Variants in FARP2 observed in about 807,000 individuals in gnomAD.
FARP2 encodes the protein FERM, ARHGEF and pleckstrin domain-containing protein 2.
Under a neutral mutation model 130.5 loss-of-function variants are expected in FARP2, and 111 were observed. That is an observed-to-expected ratio of 0.85 (90% CI 0.73 to 1.00). The LOEUF (loss-of-function observed/expected upper bound fraction) is 1.00. FARP2 is among the 50% of genes least tolerant of loss of function. The pLI is 0.00. For synonymous variants in FARP2, 504 were observed against 516.9 expected (o/e 0.98, Z 0.34); for missense variants, 1,385 against 1,346.3 (o/e 1.03, Z -0.45).
rs1473125848 is a variant in FARP2, at chr2:241,418,119, T to A, written c.771+10T>A. 1 of 1,613,858 alleles carries A rather than the reference T, an allele frequency of 6.2e-7. No individual in the cohort carries two copies. The highest frequency in any genetic ancestry group is 1.3e-5 in the African/African-American group (1 of 74,818). ...TGTACTCGTGTTCCAGGTAGGCCAG[T>A]GGGGAAGGGAGGGGTGAGAACAGGG... On this transcript the variant is annotated intron_variant, in intron 8 of 26. Coordinates refer to ENST00000264042, the MANE Select transcript of FARP2 (RefSeq NM_014808.4).
chr2:241,409,038 T>TAGATGATA (rs1553715970), intron 5 of FARP2, among the ~76,000 whole-genome samples: 44 of 146,048 alleles, frequency 3.0e-4, no homozygotes, highest in East Asian at 4.1e-4. Flanking sequence ...GATAGATAGA[T>TAGATGATA]GATAGATAGA....
chr2:241,456,704 C>T (rs768270850), intron 13 of FARP2, 43 bp from the exon 14 acceptor site: 59 of 1,607,138 alleles, frequency 3.7e-5, no homozygotes, highest in Non-Finnish European at 4.7e-5. Flanking sequence ...CCTCACAGCC[C>T]TTTCTCATTT....
At chr2:241,458,376 G>T (rs1221931125) in intron 14 of FARP2, among the ~76,000 whole-genome samples, 1 of 152,162 alleles carries the variant, frequency 6.6e-6, no homozygotes, top group African/African-American at 2.4e-5. Flanking sequence ...AGGATATTCT[G>T]TCCAAGGCCT....
chr2:241,427,611 A>G (rs1469040061), intron 8 of FARP2, among the ~76,000 whole-genome samples: 3 of 152,160 alleles, frequency 2.0e-5, no homozygotes, highest in Admixed American at 6.6e-5. Context: ...CCTGGAACCA[A>G]TCCCCTACAG....
rs761893677 is a variant in FARP2 at position 241,475,963 on chromosome 2, A to G, written c.2238A>G (p.Ile746Met). The G allele has an allele frequency of 6.8e-6, 11 of 1,613,756 alleles. No individual in the cohort carries two copies. The highest frequency in any genetic ancestry group is 9.3e-6 in the Non-Finnish European group (11 of 1,179,794). Residue 746 changes from isoleucine to methionine, a missense_variant, in exon 19 of 27, where the codon ATA (isoleucine) becomes ATG (methionine). Transcript: ENST00000264042. This position sits in a 1 kb window ranked among gnomAD's most constrained non-coding sequence, Gnocchi z 4.4. ...AGCTGCAGCGGGACCTGGTGGGCAT[A>G]GAGAACCTCATTGCTCCTGGCAGGG... ...LTELQRDLVG[I>M]ENLIAPGREF... is the part of the protein sequence containing the mutation.
intron 1 of FARP2, among the ~76,000 whole-genome samples, chr2:241,361,108 G>A (rs569102807): frequency 8.6e-5 from 13 of 151,340 alleles, no homozygotes; most frequent in East Asian, 1.9e-4. Flanking sequence ...TGATCTATTC[G>A]CTTATATTTT....
At chr2:241,368,015 G>A (rs140346883) in intron 1 of FARP2, among the ~76,000 whole-genome samples, 29 of 151,968 alleles carry the variant, frequency 1.9e-4, no homozygotes, top group Non-Finnish European at 3.4e-4. Flanking sequence ...TGTCACTAGA[G>A]TGGTCCATTT....
At chr2:241,493,191 C>A in intron 25 of FARP2, 102 bp from the exon 26 acceptor site, 1 of 1,379,394 alleles carries the variant, frequency 7.2e-7, no homozygotes, top group Non-Finnish European at 1.0e-6. Context: ...TCCCTTGGCC[C>A]GTGGGCATTT....
chr2:241,476,364 C>T (rs2064463581), intron 19 of FARP2, among the ~76,000 whole-genome samples: 1 of 151,764 alleles, frequency 6.6e-6, no homozygotes, highest in Non-Finnish European at 1.5e-5. Context: ...TCCAGCCTGA[C>T]AACAGAGCAA....
intron 13 of FARP2, among the ~76,000 whole-genome samples, chr2:241,454,726 G>T (rs764081): frequency 0.36 from 54,299 of 151,862 alleles, 10,372 homozygotes; most frequent in East Asian, 0.63. Context: ...TTTAACTGAA[G>T]GTGTAATAAA....
intron 14 of FARP2, 81 bp downstream of exon 14, chr2:241,457,003 G>T: frequency 7.6e-7 from 1 of 1,309,460 alleles, no homozygotes; most frequent in Non-Finnish European, 1.0e-6. Flanking sequence ...GGTGCTGGTG[G>T]GGACCCTGGG....
intron 5 of FARP2, among the ~76,000 whole-genome samples, chr2:241,409,086 A>G (rs985769141): frequency 6.6e-6 from 1 of 151,028 alleles, no homozygotes; most frequent in African/African-American, 2.4e-5. Flanking sequence ...ATACCTGAAA[A>G]TGATGGATAA....
chr2:241,357,561 C>G (rs998847853), intron 1 of FARP2, among the ~76,000 whole-genome samples: 5 of 152,122 alleles, frequency 3.3e-5, no homozygotes, highest in Admixed American at 6.5e-5. Flanking sequence ...AGAGACATGA[C>G]CAAGTTGCAC....
At chr2:241,409,849 T>G (rs2062470257) in intron 5 of FARP2, among the ~76,000 whole-genome samples, 1 of 152,236 alleles carries the variant, frequency 6.6e-6, no homozygotes, top group Admixed American at 6.5e-5. Context: ...TTCATCCATA[T>G]TTCCAATATT....
At chr2:241,362,278 G>C (rs2061205581) in intron 1 of FARP2, among the ~76,000 whole-genome samples, 12 of 151,792 alleles carry the variant, frequency 7.9e-5, no homozygotes. Flanking sequence ...ATCAGTATCT[G>C]AACAAGAAAT....
chr2:241,421,816 GGT>G (rs1276652141), intron 8 of FARP2, among the ~76,000 whole-genome samples: 1 of 152,120 alleles, frequency 6.6e-6, no homozygotes, highest in African/African-American at 2.4e-5. Context: ...AGGCAACTAG[GGT>G]CTGGAGCAAC....
At chr2:241,492,417 C>T (rs1367061057) in intron 24 of FARP2, among the ~76,000 whole-genome samples, 1 of 152,174 alleles carries the variant, frequency 6.6e-6, no homozygotes, top group East Asian at 1.9e-4. Flanking sequence ...GAGTGCAACC[C>T]CTGAATACCA....
intron 2 of FARP2, among the ~76,000 whole-genome samples, chr2:241,401,770 C>T (rs945289038): frequency 6.6e-6 from 1 of 151,472 alleles, no homozygotes. Context: ...ATGGATATGT[C>T]ATTATTTATT....
At chr2:241,404,707 A>G (rs902913587) in intron 3 of FARP2, 92 bp from the exon 4 acceptor site, 1 of 961,482 alleles carries the variant, frequency 1.0e-6, no homozygotes, top group African/African-American at 1.6e-5. Flanking sequence ...ATAAAAATTT[A>G]TCTTATTATA....
Sources: allele counts gnomAD v4.1 joint callset (sites outside exome capture counted in the v4.1 genomes callset), GRCh38; gene constraint gnomAD v4.1.1; non-coding constraint Gnocchi (gnomAD v3.1); transcripts MANE v1.5; gene names NCBI Gene and HGNC (gene_info 2026-07-23, HGNC 2026-07-21).